KL: variants seen among roughly 807,000 people sequenced by gnomAD.
KL encodes the protein alpha-klotho.
KL carries 62 observed loss-of-function variants against 84.2 expected under a neutral mutation model. That is an observed-to-expected ratio of 0.74 (90% CI 0.60 to 0.91). KL has a LOEUF of 0.91. KL is among the 40% of genes least tolerant of loss of function. The pLI, the probability that KL is intolerant of heterozygous loss-of-function variation, is 0.00. For synonymous variants in KL, 528 were observed against 528.0 expected (o/e 1.00, Z 0.00); for missense variants, 1,261 against 1,305.7 (o/e 0.97, Z 0.53).
intron 1 of KL, among the ~76,000 whole-genome samples, chr13:33,031,063 GC>G (rs1298833005): frequency 6.6e-6 from 1 of 152,122 alleles, no homozygotes; most frequent in Non-Finnish European, 1.5e-5. Context: ...ATAATAAAAT[GC>G]CCCAGAACTG....
chr13:33,051,383 T>TA (rs1002283613), intron 1 of KL, among the ~76,000 whole-genome samples: 1 of 151,844 alleles, frequency 6.6e-6, no homozygotes, highest in African/African-American at 2.4e-5. Context: ...CTACTAGAAA[T>TA]AAAAAAGAAA....
intron 1 of KL, among the ~76,000 whole-genome samples, chr13:33,040,311 C>T (rs925506629): frequency 4.6e-5 from 7 of 152,180 alleles, no homozygotes; most frequent in Non-Finnish European, 7.3e-5. Flanking sequence ...AAACACCACA[C>T]AGTAGCAGTG....
At chr13:33,023,794 A>C (rs1459368469) in intron 1 of KL, among the ~76,000 whole-genome samples, 1 of 152,238 alleles carries the variant, frequency 6.6e-6, no homozygotes, top group Non-Finnish European at 1.5e-5. Flanking sequence ...AGTGATGTAC[A>C]TTAATTTTAA....
chr13:33,034,414 T>C (rs992514812), intron 1 of KL, among the ~76,000 whole-genome samples: 12 of 152,200 alleles, frequency 7.9e-5, no homozygotes, highest in African/African-American at 2.9e-4. Flanking sequence ...AGAAAACTGA[T>C]AGCGATGGGA....
intron 3 of KL, among the ~76,000 whole-genome samples, chr13:33,057,810 A>C (rs1201725551): frequency 2.0e-5 from 3 of 152,184 alleles, no homozygotes; most frequent in African/African-American, 4.8e-5. Context: ...ACGTAGTCAA[A>C]ATAAGTTCTT....
At chr13:33,032,366 T>C (rs1432781343) in intron 1 of KL, among the ~76,000 whole-genome samples, 1 of 152,142 alleles carries the variant, frequency 6.6e-6, no homozygotes, top group Non-Finnish European at 1.5e-5. Context: ...ACCCACGCAG[T>C]TTTTCTCTGG....
Position 33,061,740 on chromosome 13 carries a change from G to A in KL, c.2661G>A (p.Arg887=). 1 of 1,614,014 alleles carries A rather than the reference G, an allele frequency of 6.2e-7. No individual in the cohort carries two copies. The highest frequency in any genetic ancestry group is 8.5e-7 in the Non-Finnish European group (1 of 1,180,016). Residue 887 remains arginine, a synonymous_variant, in exon 4 of 5, where the codon AGG becomes AGA. Transcript: ENST00000380099. ...TGCATGCTGAGGACGACCAGCTGAG[G>A]GTGTATTATATGCAGAATTACATAA... ...DGLHAEDDQL[R]VYYMQNYINE... is the part of the protein sequence containing the mutation.
Position 33,061,590 on chromosome 13 carries a change from G to A in KL, c.2511G>A (p.Thr837=), listed in dbSNP as rs36012519. 1.3e-5 allele frequency: 21 copies of A among 1,614,036 alleles called. No homozygotes were observed. Among genetic ancestry groups the A allele is most frequent in the Admixed American group, 1.7e-5 (1 of 60,008 alleles). Residue 837 remains threonine (T), a synonymous_variant, in exon 4 of 5, where the codon ACG becomes ACA. Coordinates refer to ENST00000380099, the MANE Select transcript of KL (RefSeq NM_004795.4). Reference sequence around the variant, plus strand: ...AAGTGCAAGAAATGACCGACATCACGTGGCTCAACTCCCCCAGTCAGGTGG... The same window carrying A: ...AAGTGCAAGAAATGACCGACATCACATGGCTCAACTCCCCCAGTCAGGTGG... ...YLEVQEMTDI[T]WLNSPSQVAV...
intron 1 of KL, among the ~76,000 whole-genome samples, chr13:33,017,492 A>G (rs1477898312): frequency 3.3e-5 from 5 of 152,226 alleles, no homozygotes; most frequent in African/African-American, 1.2e-4. Context: ...ATCTGTGGAA[A>G]GGAAGCGGTG....
intron 3 of KL, 95 bp downstream of exon 3, chr13:33,055,410 C>T: frequency 6.5e-7 from 1 of 1,539,156 alleles, no homozygotes; most frequent in South Asian, 1.1e-5. Flanking sequence ...GGCACATTGT[C>T]CGTTCTTTGA....
At position 33,064,979 on chromosome 13, in the gene KL, G is replaced by T. The variant is rs568826729; in HGVS notation, c.*793G>T. On this transcript the variant is annotated 3_prime_UTR_variant, in exon 5 of 5. Transcript: ENST00000380099. ...GCTCTTCAGGAAGCATAAAGCAATT[G>T]TGAAATACAGTATACCGCAGTGGCT... is the stretch of plus-strand genomic sequence containing the variant. 4.3e-4 allele frequency: 97 copies of T among 227,792 alleles called. No homozygotes were observed. Among genetic ancestry groups the T allele is most frequent in the Admixed American group, 1.6e-3 (28 of 17,582 alleles). 14.1% of individuals were successfully genotyped at this position (227,792 alleles called of 1,614,324 possible). A position where few individuals can be genotyped will look rare whatever the true frequency, so the allele number is the denominator to read the frequency against.
At chr13:33,052,844 A>G (rs1484665187) in intron 1 of KL, among the ~76,000 whole-genome samples, 2 of 152,234 alleles carry the variant, frequency 1.3e-5, no homozygotes, top group African/African-American at 2.4e-5. Flanking sequence ...CAACACTTGT[A>G]TTTGTAGGAA....
intron 1 of KL, among the ~76,000 whole-genome samples, chr13:33,021,211 T>C (rs1870563291): frequency 6.6e-6 from 1 of 152,204 alleles, no homozygotes; most frequent in Non-Finnish European, 1.5e-5. Context: ...TTGTCAGTCT[T>C]TCTAGCCACT....
At chr13:33,058,445 A>G (rs1312476768) in intron 3 of KL, among the ~76,000 whole-genome samples, 6 of 150,218 alleles carry the variant, frequency 4.0e-5, no homozygotes, top group Non-Finnish European at 4.4e-5. Context: ...AGGTCACGCC[A>G]TTCTCCTGCC....
chr13:33,047,356 CTTTT>C (rs57916391), intron 1 of KL, among the ~76,000 whole-genome samples: 3 of 139,224 alleles, frequency 2.2e-5, no homozygotes, highest in Non-Finnish European at 1.6e-5. Flanking sequence ...AATCTACTTT[CTTTT>C]TTTTTTTTTT....
At chr13:33,032,006 C>G (rs1870990691) in intron 1 of KL, among the ~76,000 whole-genome samples, 1 of 152,028 alleles carries the variant, frequency 6.6e-6, no homozygotes, top group African/African-American at 2.4e-5. Flanking sequence ...AGGGTCAGAG[C>G]TGGGGTCAAA....
At position 33,061,068 on chromosome 13, in the gene KL, C is replaced by G. The variant is rs1160980966; in HGVS notation, c.1989C>G (p.Ala663=). ...RQGAWENPYT[A]LAFAEYARLC... ...GCGCCTGGGAGAACCCCTACACTGC[C>G]CTGGCCTTTGCAGAGTATGCCCGAC... The change falls in exon 4 of 5, where the codon GCC becomes GCG. Residue 663 remains alanine (A), a synonymous_variant. Transcript: ENST00000380099. 6.2e-7 allele frequency: 1 copy of G among 1,613,096 alleles called. No individual in the cohort carries two copies. Among genetic ancestry groups the G allele is most frequent in the East Asian group, 2.2e-5 (1 of 44,856 alleles).
At chr13:33,059,727 C>A in intron 3 of KL, among the ~76,000 whole-genome samples, 1 of 152,128 alleles carries the variant, frequency 6.6e-6, no homozygotes, top group East Asian at 1.9e-4. Flanking sequence ...CGCCTTGGCC[C>A]CGCAAAGTGC....
At chr13:33,023,076 C>T (rs1202071475) in intron 1 of KL, among the ~76,000 whole-genome samples, 1 of 152,154 alleles carries the variant, frequency 6.6e-6, no homozygotes, top group Non-Finnish European at 1.5e-5. Context: ...GGTGGCCTCT[C>T]AAGTGCCTGA....
Sources: allele counts gnomAD v4.1 joint callset (sites outside exome capture counted in the v4.1 genomes callset), GRCh38; gene constraint gnomAD v4.1.1; transcripts MANE v1.5; gene names NCBI Gene and HGNC (gene_info 2026-07-23, HGNC 2026-07-21).